TRAP1: variants seen among roughly 807,000 people sequenced by gnomAD.
The protein encoded by TRAP1 is TNF receptor associated protein 1.
A neutral mutation model predicts 89.1 loss-of-function variants in TRAP1; 102 were observed. The ratio of observed to expected loss-of-function variants is 1.15; its 90% CI spans 0.98 to 1.35. The LOEUF is 1.35. Among genes scored for constraint, TRAP1 ranks in the 40% most tolerant of loss-of-function variants. The probability of loss-of-function intolerance (pLI) is 0.00; values close to 1 mark genes in which losing one functional copy is unlikely to be tolerated. For missense variants in TRAP1, 1,256 were observed against 945.3 expected, an observed-to-expected ratio of 1.33 and a Z score of -4.31; for synonymous variants, 508 against 388.0, an observed-to-expected ratio of 1.31 and a Z score of -3.64.
At chr16:3,706,456 C>CTTTTTTTCT (rs777059671) in intron 1 of TRAP1, among the ~76,000 whole-genome samples, 12 of 98,972 alleles carry the variant, frequency 1.2e-4, no homozygotes, top group African/African-American at 4.8e-4. Flanking sequence ...TATTTGCACT[C>CTTTTTTTCT]TTTTTTTTTT....
intron 1 of TRAP1, among the ~76,000 whole-genome samples, chr16:3,706,679 T>C (rs1437765007): frequency 6.6e-6 from 1 of 151,986 alleles, no homozygotes; most frequent in African/African-American, 2.4e-5. Flanking sequence ...CAGGCTGGCA[T>C]TCAACTCTTG....
intron 1 of TRAP1, among the ~76,000 whole-genome samples, chr16:3,713,336 C>A (rs2051557065): frequency 6.6e-6 from 1 of 152,182 alleles, no homozygotes; most frequent in African/African-American, 2.4e-5. Flanking sequence ...GCAGGCACCA[C>A]CTACAGGAGC....
chr16:3,706,452 C>T (rs1393825448), intron 1 of TRAP1, among the ~76,000 whole-genome samples: 1 of 142,594 alleles, frequency 7.0e-6, no homozygotes, highest in East Asian at 2.1e-4. Flanking sequence ...GGCCTATTTG[C>T]ACTCTTTTTT....
chr16:3,666,158 C>G (rs865965191), intron 11 of TRAP1, 40 bp from the exon 12 acceptor site: 1 of 1,582,748 alleles, frequency 6.3e-7, no homozygotes, highest in Non-Finnish European at 8.6e-7. Context: ...CAAGCAGCCT[C>G]TATGAAATAC....
chr16:3,705,135 G>A (rs947715864), intron 1 of TRAP1, among the ~76,000 whole-genome samples: 2 of 152,116 alleles, frequency 1.3e-5, no homozygotes, highest in African/African-American at 4.8e-5. Flanking sequence ...AGCCATCTGG[G>A]CTCACTGTAA....
intron 15 of TRAP1, 155 bp from the exon 16 acceptor site, chr16:3,662,287 C>T (rs2043126693): frequency 6.6e-6 from 6 of 908,924 alleles, no homozygotes; most frequent in Non-Finnish European, 8.1e-6. Context: ...CCATTACCCA[C>T]TAACTTGTGG....
intron 1 of TRAP1, among the ~76,000 whole-genome samples, chr16:3,713,346 C>T (rs889315600): frequency 3.3e-5 from 5 of 152,120 alleles, no homozygotes; most frequent in Non-Finnish European, 5.9e-5. Flanking sequence ...CCTACAGGAG[C>T]GGGGTCCAGG....
intron 1 of TRAP1, among the ~76,000 whole-genome samples, chr16:3,692,606 T>G (rs899992153): frequency 7.4e-5 from 11 of 149,354 alleles, no homozygotes; most frequent in African/African-American, 2.2e-4. Flanking sequence ...TTTTTTTTTT[T>G]TTTTTTTTTG....
At chr16:3,695,622 C>G (rs898048642) in intron 1 of TRAP1, among the ~76,000 whole-genome samples, 6 of 151,552 alleles carry the variant, frequency 4.0e-5, no homozygotes, top group African/African-American at 1.5e-4. Context: ...AAATGAAATA[C>G]AAACAGCAAA....
At chr16:3,714,400 C>G (rs776046246) in intron 1 of TRAP1, among the ~76,000 whole-genome samples, 6 of 152,220 alleles carry the variant, frequency 3.9e-5, no homozygotes, top group Non-Finnish European at 8.8e-5. Flanking sequence ...GTGGCTCACG[C>G]CTGTAATCCC....
chr16:3,705,510 A>T (rs975223707), intron 1 of TRAP1, among the ~76,000 whole-genome samples: 1 of 152,214 alleles, frequency 6.6e-6, no homozygotes, highest in Non-Finnish European at 1.5e-5. Flanking sequence ...CTTCACAGAA[A>T]TGAAATCATA....
rs2051612830 is a variant in TRAP1 at position 3,717,442 on chromosome 16, CCGGCGCCCGCAGCAAAGGCCGCAGGCGG to C, written c.39_66del (p.Leu15TrpfsTer93). 7.9e-7 allele frequency: 1 copy of C among 1,273,196 alleles called. No homozygotes were observed. Among genetic ancestry groups the C allele is most frequent in the African/African-American group, 1.6e-5 (1 of 63,970 alleles). 78.9% of individuals were successfully genotyped at this position (1,273,196 alleles called of 1,614,324 possible). On this transcript the variant is annotated frameshift_variant, in exon 1 of 18. Coordinates refer to ENST00000246957, the MANE Select transcript of TRAP1 (RefSeq NM_016292.3). LOFTEE classifies it high-confidence loss of function. ...TCACCTCCCGGCACGGCCGCCAGCG[CCGGCGCCCGCAGCAAAGGCCGCAGGCGG>C]CGGCCCCACAGCAGCAGCGCCCGCA... is the stretch of plus-strand genomic sequence containing the variant.
At chr16:3,707,184 CTTTTTT>C (rs747339831) in intron 1 of TRAP1, among the ~76,000 whole-genome samples, 1 of 130,036 alleles carries the variant, frequency 7.7e-6, no homozygotes, top group African/African-American at 2.8e-5. Flanking sequence ...AAGAGGAAAT[CTTTTTT>C]TTTTTTTTTT....
chr16:3,695,832 A>G (rs773600976), intron 1 of TRAP1, among the ~76,000 whole-genome samples: 16 of 152,162 alleles, frequency 1.1e-4, no homozygotes, highest in Non-Finnish European at 2.9e-5. Flanking sequence ...TCAAGCGGAA[A>G]AGCTGATTGT....
At chr16:3,703,133 G>C (rs1205471498) in intron 1 of TRAP1, among the ~76,000 whole-genome samples, 1 of 142,776 alleles carries the variant, frequency 7.0e-6, no homozygotes, top group African/African-American at 2.6e-5. Flanking sequence ...AAACTAGTTA[G>C]AAAATATGAC....
intron 4 of TRAP1, among the ~76,000 whole-genome samples, chr16:3,683,851 C>T (rs2051104474): frequency 6.6e-6 from 1 of 151,410 alleles, no homozygotes; most frequent in Non-Finnish European, 1.5e-5. Context: ...TGCCAGGCGA[C>T]CCGCACAATG....
intron 13 of TRAP1, 42 bp from the exon 14 acceptor site, chr16:3,663,604 T>G: frequency 6.2e-7 from 1 of 1,609,188 alleles, no homozygotes; most frequent in Middle Eastern, 1.7e-4. Flanking sequence ...CCCGGGGGCC[T>G]CCAGCCACCA....
intron 4 of TRAP1, among the ~76,000 whole-genome samples, chr16:3,684,466 G>A (rs2051113033): frequency 6.6e-6 from 1 of 152,062 alleles, no homozygotes; most frequent in African/African-American, 2.4e-5. Flanking sequence ...AAAACTTTAG[G>A]TAAGAATAAT....
chr16:3,666,365 CA>C lies in TRAP1; in HGVS notation c.1236-248del, dbSNP rs3217008. On this transcript the variant is annotated intron_variant, in intron 11 of 17. Transcript: ENST00000246957. ...GTAGGAGAACCGATGCCCCCAGAGA[CA>C]AGATACCCACGCCCGGAAAACCCTT... Among the ~76,000 whole-genome samples the C allele has an allele frequency of 0.43, 65,668 of 151,862 alleles. 15,625 individuals carry two copies. Among genetic ancestry groups the C allele is most frequent in the African/African-American group, 0.65 (27,011 of 41,390 alleles).
Sources: allele counts gnomAD v4.1 joint callset (sites outside exome capture counted in the v4.1 genomes callset), GRCh38; gene constraint gnomAD v4.1.1; transcripts MANE v1.5; gene names NCBI Gene and HGNC (gene_info 2026-07-23, HGNC 2026-07-21).